Variants in MXI1 observed in about 807,000 individuals in gnomAD.
The protein encoded by MXI1 is max-interacting protein 1.
MXI1 carries 18 observed loss-of-function variants against 36.9 expected under a neutral mutation model. The ratio of observed to expected loss-of-function variants is 0.49; its 90% CI spans 0.34 to 0.72. The LOEUF (loss-of-function observed/expected upper bound fraction) is 0.72, where lower values mean the gene tolerates loss of function less well. Ranked by LOEUF, MXI1 falls within the 30% of genes least tolerant of loss-of-function variation. MXI1 has a pLI of 0.01. For synonymous variants in MXI1, 160 were observed against 146.7 expected, an observed-to-expected ratio of 1.09 and a Z score of -0.65; for missense variants, 304 against 379.1, an observed-to-expected ratio of 0.80 and a Z score of 1.64.
At chr10:110,269,136 A>C (rs970911866) in intron 3 of MXI1, among the ~76,000 whole-genome samples, 1 of 152,224 alleles carries the variant, frequency 6.6e-6, no homozygotes, top group Non-Finnish European at 1.5e-5. Flanking sequence ...AGCAATGCCA[A>C]ACCATTTGCC....
chr10:110,215,198 C>T (rs545433003), intron 1 of MXI1, among the ~76,000 whole-genome samples: 29 of 152,126 alleles, frequency 1.9e-4, no homozygotes, highest in African/African-American at 5.8e-4. Context: ...GTTGCCACCA[C>T]GCCTGGCTAA....
chr10:110,230,478 A>G (rs771074738), intron 2 of MXI1, among the ~76,000 whole-genome samples: 5 of 152,208 alleles, frequency 3.3e-5, no homozygotes, highest in Non-Finnish European at 5.9e-5. Flanking sequence ...TTTTTATGGG[A>G]ATATAAGTAG....
chr10:110,240,260 A>G (rs1006687790), intron 2 of MXI1, among the ~76,000 whole-genome samples: 7 of 152,058 alleles, frequency 4.6e-5, no homozygotes, highest in Non-Finnish European at 1.0e-4. Context: ...GTAAACATAT[A>G]TTGGCTTGGT....
At chr10:110,279,141 T>G (rs774473865) in intron 3 of MXI1, 39 bp from the exon 4 acceptor site, 3 of 1,439,034 alleles carry the variant, frequency 2.1e-6, no homozygotes, top group Non-Finnish European at 2.9e-6. Context: ...TCTAGTGAAA[T>G]AACCAGACTG....
intron 2 of MXI1, among the ~76,000 whole-genome samples, chr10:110,240,782 A>ATT: frequency 6.6e-6 from 1 of 152,126 alleles, no homozygotes; most frequent in South Asian, 2.1e-4. Flanking sequence ...TGCTCTTTTC[A>ATT]TTGTGTGGAG....
At chr10:110,228,159 T>A (rs369016267) in intron 1 of MXI1, 30 bp from the exon 2 acceptor site, 149 of 1,612,276 alleles carry the variant, frequency 9.2e-5, no homozygotes, top group Non-Finnish European at 1.2e-4. Flanking sequence ...ATATTCTTCT[T>A]ACCGTATCTT....
At chr10:110,263,448 G>A (rs1856583555) in intron 3 of MXI1, among the ~76,000 whole-genome samples, 1 of 152,138 alleles carries the variant, frequency 6.6e-6, no homozygotes, top group Non-Finnish European at 1.5e-5. Flanking sequence ...ATGAGAAAAT[G>A]CCTCTTGAGT....
At chr10:110,236,056 T>C (rs1855457065) in intron 2 of MXI1, among the ~76,000 whole-genome samples, 1 of 150,750 alleles carries the variant, frequency 6.6e-6, no homozygotes, top group Admixed American at 6.6e-5. Context: ...AATATTAGGT[T>C]TTACATTTAG....
intron 1 of MXI1, chr10:110,226,019 C>T (rs920155058): frequency 4.1e-6 from 4 of 981,318 alleles, no homozygotes; most frequent in Non-Finnish European, 4.8e-6. Context: ...GCGGGCTGCC[C>T]GCGGCACGGC....
chr10:110,258,175 A>G (rs1172701078), intron 3 of MXI1, among the ~76,000 whole-genome samples: 2 of 152,204 alleles, frequency 1.3e-5, no homozygotes, highest in African/African-American at 2.4e-5. Context: ...GGAAGTAGCT[A>G]CTGATCCAGT....
chr10:110,259,858 A>T (rs541552435), intron 3 of MXI1, among the ~76,000 whole-genome samples: 1 of 152,254 alleles, frequency 6.6e-6, no homozygotes, highest in African/African-American at 2.4e-5. Flanking sequence ...TAATGACAAC[A>T]GAATTTCCTA....
intron 1 of MXI1, chr10:110,210,294 CCCAAGT>C: frequency 3.0e-6 from 3 of 985,152 alleles, no homozygotes; most frequent in Non-Finnish European, 3.6e-6. Context: ...AACCTTAGCA[CCCAAGT>C]CTAAGTCAAC....
chr10:110,216,875 C>T (rs1385464337), intron 1 of MXI1, among the ~76,000 whole-genome samples: 3 of 151,650 alleles, frequency 2.0e-5, no homozygotes, highest in African/African-American at 4.9e-5. Context: ...GCTATATTGT[C>T]GAGGCTGGTC....
intron 1 of MXI1, among the ~76,000 whole-genome samples, chr10:110,210,803 T>G (rs1374901764): frequency 6.6e-6 from 1 of 152,234 alleles, no homozygotes; most frequent in Non-Finnish European, 1.5e-5. Context: ...AATCCGCGTG[T>G]GCACAGCAAT....
intron 3 of MXI1, among the ~76,000 whole-genome samples, chr10:110,278,730 C>T (rs908660846): frequency 1.7e-4 from 24 of 143,830 alleles, no homozygotes; most frequent in Non-Finnish European, 2.7e-4. Flanking sequence ...GTGTGTGTGC[C>T]CACACACGTG....
At chr10:110,228,115 A>G in intron 1 of MXI1, 74 bp from the exon 2 acceptor site, 1 of 1,544,024 alleles carries the variant, frequency 6.5e-7, no homozygotes, top group Non-Finnish European at 8.9e-7. Context: ...TACTGCAAAG[A>G]CCTCGGATTT....
intron 2 of MXI1, among the ~76,000 whole-genome samples, chr10:110,237,452 A>G (rs577751269): frequency 6.6e-6 from 1 of 152,136 alleles, no homozygotes; most frequent in African/African-American, 2.4e-5. Context: ...TGATACTGTC[A>G]TTTTCTTTTT....
intron 3 of MXI1, among the ~76,000 whole-genome samples, chr10:110,264,160 C>G (rs1856609386): frequency 6.6e-6 from 1 of 151,838 alleles, no homozygotes; most frequent in Admixed American, 6.6e-5. Flanking sequence ...TATGTGAGTT[C>G]TGAGTTTGAT....
intron 1 of MXI1, among the ~76,000 whole-genome samples, chr10:110,210,031 GCCCCACC>G (rs1222202562): frequency 5.5e-4 from 36 of 64,992 alleles, no homozygotes; most frequent in African/African-American, 1.8e-3. Context: ...ACCTCCCCCT[GCCCCACC>G]CCCCACCCCC....
Sources: allele counts gnomAD v4.1 joint callset (sites outside exome capture counted in the v4.1 genomes callset), GRCh38; gene constraint gnomAD v4.1.1; transcripts MANE v1.5; gene names NCBI Gene and HGNC (gene_info 2026-07-23, HGNC 2026-07-21).